The following FRAS1 variants were observed in gnomAD, a reference collection of about 807,000 sequenced individuals.
The protein encoded by FRAS1 is extracellular matrix organizing protein FRAS1.
Under a neutral mutation model 435.2 loss-of-function variants are expected in FRAS1, and 290 were observed. The observed-to-expected ratio is 0.67, with a 90% confidence interval of 0.61 to 0.73. FRAS1 has a LOEUF of 0.73. Ranked by LOEUF, FRAS1 falls within the 30% of genes least tolerant of loss-of-function variation. The pLI is 0.00. For missense variants in FRAS1, 4,860 were observed against 5,001.5 expected, an observed-to-expected ratio of 0.97 and a Z score of 0.85; for synonymous variants, 1,800 against 1,851.0, an observed-to-expected ratio of 0.97 and a Z score of 0.71.
At chr4:78,064,666 A>G (rs1739912568) in intron 1 of FRAS1, among the ~76,000 whole-genome samples, 2 of 152,000 alleles carry the variant, frequency 1.3e-5, no homozygotes, top group South Asian at 4.1e-4. Flanking sequence ...ATTTGCCCAC[A>G]GAGATCTTTG....
intron 31 of FRAS1, among the ~76,000 whole-genome samples, chr4:78,411,929 A>C (rs4975092): frequency 0.33 from 50,808 of 151,980 alleles, 8,761 homozygotes; most frequent in Non-Finnish European, 0.38. Context: ...ATTTTCTGAC[A>C]TTCAGTTTCC....
intron 2 of FRAS1, among the ~76,000 whole-genome samples, chr4:78,217,297 T>G (rs1723810805): frequency 6.6e-6 from 1 of 152,168 alleles, no homozygotes; most frequent in Non-Finnish European, 1.5e-5. Flanking sequence ...TCCTAACAGA[T>G]ACACCCAAAA....
chr4:78,258,288 C>G (rs1040312909), intron 6 of FRAS1, among the ~76,000 whole-genome samples: 1 of 150,808 alleles, frequency 6.6e-6, no homozygotes, highest in Non-Finnish European at 1.5e-5. Context: ...CTGCAGTGAG[C>G]CGTGATCATG....
At chr4:78,489,775 C>A (rs1270172808) in intron 59 of FRAS1, among the ~76,000 whole-genome samples, 1 of 152,012 alleles carries the variant, frequency 6.6e-6, no homozygotes, top group Non-Finnish European at 1.5e-5. Context: ...GATGAATATA[C>A]TCCACTGTTA....
At chr4:78,069,455 G>A (rs555350619) in intron 2 of FRAS1, among the ~76,000 whole-genome samples, 28 of 152,276 alleles carry the variant, frequency 1.8e-4, no homozygotes, top group Middle Eastern at 3.4e-3. Context: ...TGCTTAGGAA[G>A]CTGCCAGATA....
intron 36 of FRAS1, among the ~76,000 whole-genome samples, chr4:78,429,673 G>A (rs928564090): frequency 1.3e-5 from 2 of 152,204 alleles, no homozygotes; most frequent in Admixed American, 6.5e-5. Context: ...GTACTAATTA[G>A]TGAATTTAAT....
intron 2 of FRAS1, among the ~76,000 whole-genome samples, chr4:78,176,888 A>G (rs1025324188): frequency 2.0e-5 from 3 of 152,224 alleles, no homozygotes; most frequent in African/African-American, 7.2e-5. Context: ...AACTCACATC[A>G]ATGGGTACTA....
chr4:78,347,346 C>A (rs1730644428), intron 20 of FRAS1, among the ~76,000 whole-genome samples: 1 of 152,196 alleles, frequency 6.6e-6, no homozygotes, highest in African/African-American at 2.4e-5. Flanking sequence ...GAGGGTCTTC[C>A]TCACTAAAGC....
chr4:78,145,459 T>G, intron 2 of FRAS1, among the ~76,000 whole-genome samples: 1 of 152,260 alleles, frequency 6.6e-6, no homozygotes, highest in East Asian at 1.9e-4. Context: ...TATTTTTATT[T>G]AATTTTAGTT....
At position 78,541,140 on chromosome 4, in the gene FRAS1, T is replaced by G; in HGVS notation, c.*16T>G. 7.7e-7 allele frequency: 1 copy of G among 1,303,974 alleles called. No individual in the cohort carries two copies. The highest frequency in any genetic ancestry group is 2.7e-5 in the East Asian group (1 of 37,608). 80.8% of individuals were successfully genotyped at this position (1,303,974 alleles called of 1,614,324 possible). ...AGAAGTTTAATGGAGGAGACCTATG[T>G]GTATTTTTTTCTAAAATCATTTTTA... On this transcript the variant is annotated 3_prime_UTR_variant, in exon 74 of 74. Coordinates refer to ENST00000512123, the MANE Select transcript of FRAS1 (RefSeq NM_025074.7).
At chr4:78,271,270 C>T (rs962668704) in intron 9 of FRAS1, among the ~76,000 whole-genome samples, 6 of 18,486 alleles carry the variant, frequency 3.2e-4, no homozygotes, top group Non-Finnish European at 2.4e-3. Context: ...AGAAACATTA[C>T]CATTCTTTTT....
At chr4:78,256,449 C>G (rs150011901) in intron 6 of FRAS1, among the ~76,000 whole-genome samples, 1 of 152,102 alleles carries the variant, frequency 6.6e-6, no homozygotes, top group Non-Finnish European at 1.5e-5. Flanking sequence ...GGGGCCTAGT[C>G]CCTTGGGGTA....
chr4:78,268,763 G>C (rs113055044), intron 9 of FRAS1, among the ~76,000 whole-genome samples: 45 of 152,260 alleles, frequency 3.0e-4, no homozygotes, highest in African/African-American at 9.9e-4. Context: ...GCTGTCGGCT[G>C]TGACACCTGG....
chr4:78,114,266 G>A (rs1046986779), intron 2 of FRAS1, among the ~76,000 whole-genome samples: 1 of 152,164 alleles, frequency 6.6e-6, no homozygotes, highest in Non-Finnish European at 1.5e-5. Context: ...GTAGCGTGAT[G>A]CCTCCAGCTT....
chr4:78,080,092 T>A (rs1740828297), intron 2 of FRAS1, among the ~76,000 whole-genome samples: 1 of 151,962 alleles, frequency 6.6e-6, no homozygotes, highest in East Asian at 1.9e-4. Flanking sequence ...ACACTACAGG[T>A]GGAATGGCAT....
At chr4:78,256,596 A>C (rs1464946669) in intron 6 of FRAS1, among the ~76,000 whole-genome samples, 1 of 152,216 alleles carries the variant, frequency 6.6e-6, no homozygotes, top group Admixed American at 6.5e-5. Flanking sequence ...GGGACCAGCT[A>C]CTGGAATAAT....
chr4:78,190,772 C>G (rs1216736956), intron 2 of FRAS1, among the ~76,000 whole-genome samples: 1 of 152,110 alleles, frequency 6.6e-6, no homozygotes, highest in Non-Finnish European at 1.5e-5. Context: ...TAGCAATGTA[C>G]TAGGCTGACA....
intron 59 of FRAS1, among the ~76,000 whole-genome samples, chr4:78,489,977 A>AAAAAAAAAG: frequency 6.6e-6 from 1 of 150,454 alleles, no homozygotes. Flanking sequence ...ACAAAAAAAA[A>AAAAAAAAAG]AAAAAAAAAA....
At position 78,108,812 on chromosome 4, in the gene FRAS1, C is replaced by G. The variant is rs1742531637; in HGVS notation, c.108+42796C>G. 2.5e-5 allele frequency among the ~76,000 whole-genome samples: 3 copies of G among 121,978 alleles called. 1 individual carries two copies. Among genetic ancestry groups the G allele is most frequent in the African/African-American group, 1.0e-4 (3 of 29,650 alleles). 80.0% of individuals were successfully genotyped at this position (121,978 alleles called of 152,430 possible). A position where few individuals can be genotyped will look rare whatever the true frequency, so the allele number is the denominator to read the frequency against. ...TTCAAAAAATCAATGAATCCAGGAG[C>G]TGGTTTTTTGAAAGGATCAACAAAA... On this transcript the variant is annotated intron_variant, in intron 2 of 73. Transcript: ENST00000512123.
Sources: gnomAD v4.1 joint callset for allele counts (sites outside exome capture counted in the v4.1 genomes callset) on GRCh38, gnomAD v4.1.1 for gene constraint, MANE v1.5 for transcripts, NCBI Gene and HGNC (gene_info 2026-07-23, HGNC 2026-07-21) for gene names.